The following THEMIS variants were observed in gnomAD, a reference collection of about 807,000 sequenced individuals.
The protein encoded by THEMIS is thymocyte selection associated.
A neutral mutation model predicts 52.6 loss-of-function variants in THEMIS; 37 were observed. The observed-to-expected ratio is 0.70, with a 90% CI of 0.54 to 0.93. The LOEUF (loss-of-function observed/expected upper bound fraction) is 0.93. Among genes scored for constraint, THEMIS ranks in the 40% least tolerant of loss-of-function variants. The pLI is 0.00. For missense variants in THEMIS, 808 were observed against 763.1 expected (o/e 1.06, Z -0.69); for synonymous variants, 292 against 272.7 (o/e 1.07, Z -0.70).
chr6:127,827,940 T>G (rs900849694), intron 3 of THEMIS, among the ~76,000 whole-genome samples: 5 of 152,314 alleles, frequency 3.3e-5, no homozygotes, highest in South Asian at 4.1e-4. Context: ...TGTGTTCATA[T>G]TTGTTTCAAC....
intron 4 of THEMIS, 128 bp from the exon 5 acceptor site, chr6:127,719,951 G>T: frequency 8.3e-7 from 1 of 1,209,534 alleles, no homozygotes; most frequent in Non-Finnish European, 1.2e-6. Flanking sequence ...GTCAAAGCAA[G>T]CTACAAATTA....
intron 4 of THEMIS, among the ~76,000 whole-genome samples, chr6:127,801,548 C>T (rs1777535624): frequency 6.6e-6 from 1 of 152,120 alleles, no homozygotes; most frequent in Admixed American, 6.5e-5. Context: ...AAGCTGGAGA[C>T]ACTGAGTTTC....
At chr6:127,882,548 AAACGT>A (rs1435510334) in intron 1 of THEMIS, among the ~76,000 whole-genome samples, 1 of 151,960 alleles carries the variant, frequency 6.6e-6, no homozygotes, top group Non-Finnish European at 1.5e-5. Context: ...TCTACTTTAG[AAACGT>A]AATGTTTGTC....
chr6:127,735,892 G>A (rs1245059156), intron 4 of THEMIS, among the ~76,000 whole-genome samples: 1 of 152,170 alleles, frequency 6.6e-6, no homozygotes, highest in African/African-American at 2.4e-5. Context: ...TGCTCTTTTT[G>A]AGGATTTTCA....
intron 4 of THEMIS, among the ~76,000 whole-genome samples, chr6:127,799,844 C>G (rs1409415756): frequency 1.3e-5 from 2 of 152,108 alleles, no homozygotes; most frequent in Non-Finnish European, 2.9e-5. Context: ...AAGTCATATT[C>G]CCGAAGAAGG....
At chr6:127,773,395 G>A (rs922136018) in intron 4 of THEMIS, among the ~76,000 whole-genome samples, 1 of 152,064 alleles carries the variant, frequency 6.6e-6, no homozygotes, top group African/African-American at 2.4e-5. Context: ...GTATTTGAAC[G>A]TTTTTATCCA....
At chr6:127,771,146 T>G (rs1482310012) in intron 4 of THEMIS, among the ~76,000 whole-genome samples, 1 of 152,114 alleles carries the variant, frequency 6.6e-6, no homozygotes. Flanking sequence ...AACCAAATCA[T>G]GAGTGAACTC....
upstream of THEMIS, among the ~76,000 whole-genome samples, chr6:127,901,927 C>T (rs568334008): frequency 1.3e-5 from 2 of 152,134 alleles, no homozygotes; most frequent in East Asian, 3.9e-4. Context: ...TTGATCTCTT[C>T]AAAATCCTGC....
chr6:127,767,827 AGCACCACCAC>A (rs879617351), intron 4 of THEMIS, among the ~76,000 whole-genome samples: 4,220 of 152,314 alleles, frequency 0.028, 193 homozygotes, highest in African/African-American at 0.095. Context: ...TATTTAAACC[AGCACCACCAC>A]AACAAGTGAG....
chr6:127,825,723 AAG>A (rs1024268066), intron 3 of THEMIS, among the ~76,000 whole-genome samples: 5 of 152,170 alleles, frequency 3.3e-5, no homozygotes, highest in Non-Finnish European at 7.4e-5. Context: ...CATGAGAACG[AAG>A]AGTTACAAAG....
At chr6:127,750,952 A>G (rs944274908) in intron 4 of THEMIS, among the ~76,000 whole-genome samples, 3 of 151,764 alleles carry the variant, frequency 2.0e-5, no homozygotes, top group South Asian at 4.1e-4. Flanking sequence ...TCTCGACCTT[A>G]CAAGACATAC....
chr6:127,914,102 T>C (rs1781468919), intron 1 of THEMIS, among the ~76,000 whole-genome samples: 1 of 152,202 alleles, frequency 6.6e-6, no homozygotes, highest in Non-Finnish European at 1.5e-5. Flanking sequence ...ATAACCTGAA[T>C]GTAATTTTAT....
chr6:127,749,522 T>C (rs1775562750), intron 4 of THEMIS, among the ~76,000 whole-genome samples: 1 of 152,024 alleles, frequency 6.6e-6, no homozygotes, highest in Non-Finnish European at 1.5e-5. Context: ...TTTACAATTT[T>C]TGCTGTGTGT....
rs575842863 is a variant in THEMIS at position 127,848,643 on chromosome 6, T to C, written c.250+6387A>G. Among the ~76,000 whole-genome samples, 5 of 152,310 alleles carry C rather than the reference T, an allele frequency of 3.3e-5. No homozygotes were observed. The East Asian group carries it at 9.6e-4, about 29-fold the overall frequency. On this transcript the variant is annotated intron_variant, in intron 2 of 5. Coordinates refer to ENST00000368248, the MANE Select transcript of THEMIS (RefSeq NM_001010923.3). ...TAACTGGTGTGAGATGGTATCTCATTGTGGTTTTGATTTGCATTCCTCTGA... is the reference window on the plus strand; with the variant it reads ...TAACTGGTGTGAGATGGTATCTCATCGTGGTTTTGATTTGCATTCCTCTGA...
At chr6:127,878,326 T>A (rs905974700) in intron 1 of THEMIS, among the ~76,000 whole-genome samples, 13 of 152,264 alleles carry the variant, frequency 8.5e-5, no homozygotes, top group African/African-American at 3.1e-4. Flanking sequence ...ATCCTGCTGC[T>A]GAAACACAGT....
intron 2 of THEMIS, among the ~76,000 whole-genome samples, chr6:127,839,561 G>A (rs1778977379): frequency 6.6e-6 from 1 of 151,966 alleles, no homozygotes; most frequent in Admixed American, 6.6e-5. Context: ...GGAGTGTAGT[G>A]GTGGAGTCAC....
At chr6:127,882,510 C>T (rs925774339) in intron 1 of THEMIS, among the ~76,000 whole-genome samples, 1 of 151,830 alleles carries the variant, frequency 6.6e-6, no homozygotes, top group Non-Finnish European at 1.5e-5. Flanking sequence ...GTTGTCCTGC[C>T]TATCTACATG....
At chr6:127,913,198 A>G (rs1302543670) in intron 1 of THEMIS, among the ~76,000 whole-genome samples, 3 of 152,178 alleles carry the variant, frequency 2.0e-5, no homozygotes, top group Non-Finnish European at 4.4e-5. Context: ...AAAAGAGGAA[A>G]TAGATACTGG....
intron 4 of THEMIS, among the ~76,000 whole-genome samples, chr6:127,795,092 T>C (rs1173371604): frequency 6.6e-6 from 1 of 152,170 alleles, no homozygotes; most frequent in Admixed American, 6.5e-5. Context: ...TTCCATAGCA[T>C]TGAAAGTTCC....
Sources: allele counts gnomAD v4.1 joint callset (sites outside exome capture counted in the v4.1 genomes callset), GRCh38; gene constraint gnomAD v4.1.1; transcripts MANE v1.5; gene names NCBI Gene and HGNC (gene_info 2026-07-23, HGNC 2026-07-21).